The following CDH13 variants were observed in gnomAD, a reference collection of about 807,000 sequenced individuals.
The protein encoded by CDH13 is cadherin 13, also known as cadherin-13.
CDH13 carries 24 observed loss-of-function variants against 63.8 expected under a neutral mutation model. The observed-to-expected ratio is 0.38, with a 90% CI of 0.27 to 0.53. CDH13 has a LOEUF of 0.53. Among genes scored for constraint, CDH13 ranks in the 20% least tolerant of loss-of-function variants. The probability of loss-of-function intolerance (pLI) is 0.85; values close to 1 mark genes in which losing one functional copy is unlikely to be tolerated. For synonymous variants in CDH13, 503 were observed against 355.3 expected, an observed-to-expected ratio of 1.42 and a Z score of -4.67; for missense variants, 1,049 against 903.1, an observed-to-expected ratio of 1.16 and a Z score of -2.07.
intron 7 of CDH13, among the ~76,000 whole-genome samples, chr16:83,512,001 T>C (rs1043832065): frequency 1.3e-5 from 2 of 152,098 alleles, no homozygotes; most frequent in African/African-American, 4.8e-5. Flanking sequence ...TGTTAGCTAA[T>C]AGCATTAGAA....
At chr16:83,532,359 T>C (rs2075100646) in intron 7 of CDH13, among the ~76,000 whole-genome samples, 1 of 152,218 alleles carries the variant, frequency 6.6e-6, no homozygotes, top group Admixed American at 6.5e-5. Context: ...TTGAAATTCA[T>C]TTTCAAAGCA....
intron 2 of CDH13, among the ~76,000 whole-genome samples, chr16:82,863,243 G>A (rs1176800922): frequency 6.6e-6 from 1 of 152,170 alleles, no homozygotes; most frequent in Non-Finnish European, 1.5e-5. Context: ...AGTTTAAGCA[G>A]GAGAGCAAGG....
chr16:83,087,310 T>C (rs2033652406), intron 3 of CDH13, among the ~76,000 whole-genome samples: 1 of 152,134 alleles, frequency 6.6e-6, no homozygotes, highest in Admixed American at 6.5e-5. Flanking sequence ...CTTTGAAATA[T>C]ATATAAAAAG....
intron 7 of CDH13, among the ~76,000 whole-genome samples, chr16:83,598,276 G>A (rs1907460894): frequency 6.6e-6 from 1 of 152,054 alleles, no homozygotes; most frequent in Non-Finnish European, 1.5e-5. Context: ...GGAGTGAGAG[G>A]ATTGTTTGAG....
At chr16:83,414,189 T>G (rs1266369097) in intron 6 of CDH13, among the ~76,000 whole-genome samples, 1 of 152,234 alleles carries the variant, frequency 6.6e-6, no homozygotes, top group African/African-American at 2.4e-5. Flanking sequence ...TTGGTTGGAA[T>G]TTTCCATATG....
intron 4 of CDH13, among the ~76,000 whole-genome samples, chr16:83,140,856 G>T (rs752268481): frequency 6.6e-6 from 1 of 152,216 alleles, no homozygotes. Context: ...GGAACGGACT[G>T]ACCCAAGGTT....
chr16:83,455,816 C>T (rs550957878), intron 6 of CDH13, among the ~76,000 whole-genome samples: 178 of 152,304 alleles, frequency 1.2e-3, no homozygotes, highest in Admixed American at 3.1e-3. Context: ...CGCAGCTTTC[C>T]CTGTGGACAA....
intron 3 of CDH13, among the ~76,000 whole-genome samples, chr16:83,092,341 T>C (rs886683302): frequency 6.6e-6 from 1 of 152,256 alleles, no homozygotes. Flanking sequence ...TAGCATTTGA[T>C]TGACGGCTAC....
At chr16:82,863,064 G>T (rs2040002004) in intron 2 of CDH13, among the ~76,000 whole-genome samples, 2 of 152,166 alleles carry the variant, frequency 1.3e-5, no homozygotes, top group African/African-American at 4.8e-5. Context: ...AAGGAGTCTG[G>T]CAAACGTAGA....
intron 5 of CDH13, among the ~76,000 whole-genome samples, chr16:83,236,926 A>T (rs1328082309): frequency 6.6e-6 from 1 of 152,028 alleles, no homozygotes; most frequent in African/African-American, 2.4e-5. Flanking sequence ...ACTAAACATG[A>T]CTTTAAAAAT....
At chr16:82,768,645 G>T (rs1356843190) in intron 1 of CDH13, among the ~76,000 whole-genome samples, 1 of 152,172 alleles carries the variant, frequency 6.6e-6, no homozygotes, top group Admixed American at 6.5e-5. Flanking sequence ...TTTGGGGCAG[G>T]TTAGGAGAGC....
intron 1 of CDH13, among the ~76,000 whole-genome samples, chr16:82,822,574 G>GTAGCCTTCACCTTCTGCTCA (rs1047221311): frequency 1.3e-5 from 2 of 152,140 alleles, no homozygotes; most frequent in African/African-American, 4.8e-5. Flanking sequence ...AAAGCTCACT[G>GTAGCCTTCACCTTCTGCTCA]TAGCCTTCAC....
intron 3 of CDH13, among the ~76,000 whole-genome samples, chr16:83,084,357 C>G (rs11864350): frequency 0.015 from 2,305 of 152,302 alleles, 47 homozygotes; most frequent in African/African-American, 0.053. Flanking sequence ...ACGTTCATGT[C>G]TGTCCAGAAG....
intron 5 of CDH13, among the ~76,000 whole-genome samples, chr16:83,305,279 G>A (rs753474380): frequency 2.0e-5 from 3 of 152,180 alleles, no homozygotes; most frequent in Non-Finnish European, 2.9e-5. Context: ...TCAATCAGAA[G>A]CAGGGGAGTG....
At chr16:82,950,620 G>T (rs553900100) in intron 2 of CDH13, among the ~76,000 whole-genome samples, 166 of 152,186 alleles carry the variant, frequency 1.1e-3, no homozygotes, top group South Asian at 2.1e-3. Flanking sequence ...CTCCAGCCAC[G>T]TGTAACTGTG....
chr16:82,702,340 A>T (rs972513134), intron 1 of CDH13, among the ~76,000 whole-genome samples: 2 of 152,158 alleles, frequency 1.3e-5, no homozygotes, highest in Non-Finnish European at 2.9e-5. Context: ...AAATACATGA[A>T]ATACCTAATC....
At chr16:83,163,412 A>G (rs1032450015) in intron 4 of CDH13, among the ~76,000 whole-genome samples, 12 of 152,132 alleles carry the variant, frequency 7.9e-5, no homozygotes, top group Admixed American at 5.2e-4. Context: ...TAAAATAAAA[A>G]TAACAATGGC....
chr16:83,658,828 C>A (rs1302704702), intron 8 of CDH13, among the ~76,000 whole-genome samples: 1 of 139,122 alleles, frequency 7.2e-6, no homozygotes, highest in African/African-American at 2.7e-5. Context: ...CAGCAAGGTC[C>A]CATGTCCTCA....
rs562942948 is a variant in CDH13, at chr16:82,672,999, C to CTTTTTTTTTTTTTTTTTT, written c.45+45865_45+45882dup. Reference sequence around the variant, plus strand: ...GTATGGCTAATTTTTATAAAGTTTTCTTTTTTTTTTTTTTTTTTTTGTAGA... The same window carrying CTTTTTTTTTTTTTTTTTT: ...GTATGGCTAATTTTTATAAAGTTTTCTTTTTTTTTTTTTTTTTTTTTTTTTTTTTTTTTTTTTTGTAGA... On this transcript the variant is annotated intron_variant, in intron 1 of 13. Transcript: ENST00000567109. Among the ~76,000 whole-genome samples, 35 of 81,274 alleles carry CTTTTTTTTTTTTTTTTTT rather than the reference C, an allele frequency of 4.3e-4. 4 individuals are homozygous for CTTTTTTTTTTTTTTTTTT. Among genetic ancestry groups the CTTTTTTTTTTTTTTTTTT allele is most frequent in the African/African-American group, 1.2e-3 (23 of 18,636 alleles). 53.3% of individuals were successfully genotyped at this position (81,274 alleles called of 152,430 possible). A position where few individuals can be genotyped will look rare whatever the true frequency, so the allele number is the denominator to read the frequency against.
Sources: allele counts gnomAD v4.1 joint callset (sites outside exome capture counted in the v4.1 genomes callset), GRCh38; gene constraint gnomAD v4.1.1; transcripts MANE v1.5; gene names NCBI Gene and HGNC (gene_info 2026-07-23, HGNC 2026-07-21).